Variants in KCNAB1 observed in about 807,000 individuals in gnomAD.
KCNAB1 encodes voltage-gated potassium channel subunit beta-1.
In KCNAB1, 35 loss-of-function variants were observed where a neutral mutation model predicts 64.6. The ratio of observed to expected loss-of-function variants is 0.54; its 90% CI spans 0.41 to 0.72. The LOEUF (loss-of-function observed/expected upper bound fraction) is 0.72. KCNAB1 is among the 30% of genes least tolerant of loss of function. The pLI, the probability that KCNAB1 is intolerant of heterozygous loss-of-function variation, is 0.00. For missense variants in KCNAB1, 401 were observed against 512.9 expected (o/e 0.78, Z 2.11); for synonymous variants, 177 against 183.8 (o/e 0.96, Z 0.30).
chr3:156,187,113 C>T (rs1170802334), intron 1 of KCNAB1, among the ~76,000 whole-genome samples: 1 of 152,210 alleles, frequency 6.6e-6, no homozygotes, highest in Admixed American at 6.5e-5. Flanking sequence ...CTTGGCTTCC[C>T]AAAGTGTTGG....
intron 1 of KCNAB1, among the ~76,000 whole-genome samples, chr3:156,203,391 G>A (rs1714466464): frequency 6.6e-6 from 1 of 152,140 alleles, no homozygotes; most frequent in Non-Finnish European, 1.5e-5. Context: ...CAAAAGCATG[G>A]GCTCTAGAGT....
chr3:156,270,536 C>A (rs1480146700), intron 1 of KCNAB1, among the ~76,000 whole-genome samples: 1 of 152,064 alleles, frequency 6.6e-6, no homozygotes, highest in African/African-American at 2.4e-5. Flanking sequence ...GACAATTTAA[C>A]TTCGATTGTA....
At chr3:156,270,286 T>C (rs1175994138) in intron 1 of KCNAB1, among the ~76,000 whole-genome samples, 1 of 152,170 alleles carries the variant, frequency 6.6e-6, no homozygotes, top group Non-Finnish European at 1.5e-5. Context: ...ACACTAAATG[T>C]TATTATTAAT....
Position 156,489,906 on chromosome 3 carries a change from G to A in KCNAB1, c.658+15086G>A, listed in dbSNP as rs1003857377. On this transcript the variant is annotated intron_variant, in intron 8 of 13. Transcript: ENST00000490337. ...AGAATCCAATGTCACGGAAGATGGG[G>A]GTGAGGCAGGGACCAGGAACAAGGT... Among the ~76,000 whole-genome samples, 9 of 152,160 alleles carry A rather than the reference G, an allele frequency of 5.9e-5. No homozygotes were observed. In the East Asian group the frequency reaches 1.7e-3, roughly 29 times the overall value.
chr3:156,187,993 T>G (rs1387295953), intron 1 of KCNAB1, among the ~76,000 whole-genome samples: 2 of 152,208 alleles, frequency 1.3e-5, no homozygotes, highest in African/African-American at 4.8e-5. Context: ...GTCTCCAAAA[T>G]GTACAGGCAA....
intron 1 of KCNAB1, among the ~76,000 whole-genome samples, chr3:156,328,656 C>T (rs1723139556): frequency 6.6e-6 from 1 of 152,200 alleles, no homozygotes; most frequent in African/African-American, 2.4e-5. Flanking sequence ...GTCCTTTCTA[C>T]TTGTAGGCCG....
intron 1 of KCNAB1, among the ~76,000 whole-genome samples, chr3:156,266,127 C>A (rs1319907644): frequency 6.6e-6 from 1 of 152,194 alleles, no homozygotes; most frequent in East Asian, 1.9e-4. Flanking sequence ...TTCAAATCTT[C>A]TCCTACATTT....
At chr3:156,399,245 GT>G (rs1559865703) in intron 1 of KCNAB1, among the ~76,000 whole-genome samples, 3 of 152,274 alleles carry the variant, frequency 2.0e-5, no homozygotes, top group East Asian at 3.9e-4. Context: ...GTCGTGTTAG[GT>G]GTGCTGTATG....
At chr3:156,429,798 T>G (rs745364928) in intron 2 of KCNAB1, among the ~76,000 whole-genome samples, 1 of 152,168 alleles carries the variant, frequency 6.6e-6, no homozygotes, top group Non-Finnish European at 1.5e-5. Flanking sequence ...GAGAGGTAGT[T>G]TTAAAATGCA....
At chr3:156,413,770 A>G (rs970614724) in intron 1 of KCNAB1, among the ~76,000 whole-genome samples, 3 of 152,196 alleles carry the variant, frequency 2.0e-5, no homozygotes, top group Admixed American at 2.0e-4. Context: ...ATCACTGAAC[A>G]GCTGTTATGC....
chr3:156,219,817 AT>A (rs1715586941), intron 1 of KCNAB1, among the ~76,000 whole-genome samples: 1 of 151,928 alleles, frequency 6.6e-6, no homozygotes, highest in Admixed American at 6.6e-5. Context: ...TGCTGTACCC[AT>A]CAACTCGTCA....
At chr3:156,158,164 CA>C (rs1324815125) in intron 1 of KCNAB1, among the ~76,000 whole-genome samples, 708 of 42,842 alleles carry the variant, frequency 0.017, 11 homozygotes, top group East Asian at 0.11. Flanking sequence ...AACTCTGTCT[CA>C]AAAAAAAAAA....
chr3:156,310,511 A>G (rs1378381318), intron 1 of KCNAB1, among the ~76,000 whole-genome samples: 2 of 152,172 alleles, frequency 1.3e-5, no homozygotes, highest in African/African-American at 4.8e-5. Context: ...ATAAGAAGCT[A>G]TCAGCTTACC....
At position 156,509,143 on chromosome 3, in the gene KCNAB1, G is replaced by C. The variant is rs12492343; in HGVS notation, c.659-5221G>C. On this transcript the variant is annotated intron_variant, in intron 8 of 13. Coordinates refer to ENST00000490337, the MANE Select transcript of KCNAB1 (RefSeq NM_172160.3). The stretch of plus-strand genomic sequence containing the variant: ...TCATACTAGCTATCTGTTTGCTTAT[G>C]TACTAAGGCAAATAACTAAAGATTA... Among the ~76,000 whole-genome samples, 3 of 151,872 alleles carry C rather than the reference G, an allele frequency of 2.0e-5. No homozygotes were observed. In the East Asian group the frequency reaches 5.8e-4, roughly 29 times the overall value.
chr3:156,405,267 C>A (rs1714173282), intron 1 of KCNAB1, among the ~76,000 whole-genome samples: 1 of 152,166 alleles, frequency 6.6e-6, no homozygotes, highest in Non-Finnish European at 1.5e-5. Flanking sequence ...CAAGATGAAG[C>A]CACCCCAAAA....
In KCNAB1 at chr3:156,338,592, G is replaced by A. The variant is rs904126404; in HGVS notation, c.276-83024G>A. ...CTCCCAAAGTGCTAGGATTACAGGC[G>A]TGAGCCACTGCACCTGGCCTAGCAT... On this transcript the variant is annotated intron_variant, in intron 1 of 13. Coordinates refer to ENST00000490337, the MANE Select transcript of KCNAB1 (RefSeq NM_172160.3). Among the ~76,000 whole-genome samples the A allele has an allele frequency of 4.6e-5, 7 of 152,094 alleles. No homozygotes were observed. The East Asian group carries it at 5.8e-4, about 13-fold the overall frequency.
intron 1 of KCNAB1, among the ~76,000 whole-genome samples, chr3:156,290,125 A>G (rs1389052226): frequency 6.6e-6 from 1 of 152,180 alleles, no homozygotes; most frequent in Non-Finnish European, 1.5e-5. Context: ...AACTTTCTCC[A>G]GTGTACTTTC....
intron 1 of KCNAB1, among the ~76,000 whole-genome samples, chr3:156,209,700 G>A (rs1714894260): frequency 6.6e-6 from 1 of 152,250 alleles, no homozygotes; most frequent in South Asian, 2.1e-4. Context: ...GCATAAGGAA[G>A]TATGTTGTGT....
chr3:156,243,063 C>G (rs1717251914), intron 1 of KCNAB1, among the ~76,000 whole-genome samples: 1 of 151,806 alleles, frequency 6.6e-6, no homozygotes, highest in Non-Finnish European at 1.5e-5. Flanking sequence ...GCATGTGCCA[C>G]CACACCTGGC....
Sources: allele counts gnomAD v4.1 joint callset (sites outside exome capture counted in the v4.1 genomes callset), GRCh38; gene constraint gnomAD v4.1.1; transcripts MANE v1.5; gene names NCBI Gene and HGNC (gene_info 2026-07-23, HGNC 2026-07-21).